CYSLTR2: variants seen among roughly 807,000 people sequenced by gnomAD.
CYSLTR2 encodes G-protein coupled receptor GPCR21.
For missense variants in CYSLTR2, 398 were observed against 411.9 expected (o/e 0.97, Z 0.29); for synonymous variants, 179 against 160.8 (o/e 1.11, Z -0.86).
chr13:48,674,979 C>T (rs1221428596), intron 1 of CYSLTR2, among the ~76,000 whole-genome samples: 2 of 152,182 alleles, frequency 1.3e-5, no homozygotes, highest in Admixed American at 6.5e-5. Context: ...AGATTGCTGC[C>T]TGCTCCTTCC....
intron 1 of CYSLTR2, among the ~76,000 whole-genome samples, chr13:48,667,696 A>C (rs1002806851): frequency 6.6e-6 from 1 of 152,178 alleles, no homozygotes; most frequent in Non-Finnish European, 1.5e-5. Flanking sequence ...TTGGCCTGGG[A>C]GCATGTTTCC....
intron 1 of CYSLTR2, among the ~76,000 whole-genome samples, chr13:48,675,772 G>A (rs1380670380): frequency 6.6e-6 from 1 of 152,134 alleles, no homozygotes; most frequent in Non-Finnish European, 1.5e-5. Flanking sequence ...CAGGGCCCTG[G>A]TGGTATAGGC....
At position 48,707,384 on chromosome 13, in the gene CYSLTR2, G is replaced by A; in HGVS notation, c.567G>A (p.Glu189=). 1 of 1,614,100 alleles carries A rather than the reference G, an allele frequency of 6.2e-7. No homozygotes were observed. Among genetic ancestry groups the A allele is most frequent in the South Asian group, 1.1e-5 (1 of 91,080 alleles). The change falls in exon 5 of 5, where the codon GAG becomes GAA. Residue 189 remains glutamate (E), a synonymous_variant. Coordinates refer to ENST00000682523, the MANE Select transcript of CYSLTR2 (RefSeq NM_001308476.3). ...ACGGCAGTGTCACATCATGCTTAGA[G>A]CTGAATCTCTATAAAATTGCTAAGC... ...EQNGSVTSCL[E]LNLYKIAKLQ...
At chr13:48,670,987 C>A (rs1953413020) in intron 1 of CYSLTR2, among the ~76,000 whole-genome samples, 1 of 152,138 alleles carries the variant, frequency 6.6e-6, no homozygotes, top group South Asian at 2.1e-4. Flanking sequence ...TTGAGGAGGT[C>A]TTTCACATCT....
At position 48,691,283 on chromosome 13, in the gene CYSLTR2, G is replaced by A. The variant is rs1194812142; in HGVS notation, c.-194G>A. 1 of 151,988 alleles carries A rather than the reference G, an allele frequency of 6.6e-6. No individual in the cohort carries two copies. Among genetic ancestry groups the A allele is most frequent in the Non-Finnish European group, 1.5e-5 (1 of 67,924 alleles). 9.4% of individuals were successfully genotyped at this position (151,988 alleles called of 1,614,324 possible). A position where few individuals can be genotyped will look rare whatever the true frequency, so the allele number is the denominator to read the frequency against. On this transcript the variant is annotated 5_prime_UTR_variant, in exon 2 of 5. The change abolishes an upstream ATG in the 5' untranslated region. Coordinates refer to ENST00000682523, the MANE Select transcript of CYSLTR2 (RefSeq NM_001308476.3). ...TCTATAGAAGGTCCATGCAAGGTATGGAGAGTTCCTCAACAGAGGTAATCA... is the reference window on the plus strand; with the variant it reads ...TCTATAGAAGGTCCATGCAAGGTATAGAGAGTTCCTCAACAGAGGTAATCA...
intron 3 of CYSLTR2, among the ~76,000 whole-genome samples, chr13:48,696,299 C>A (rs2138962970): frequency 6.6e-6 from 1 of 152,200 alleles, no homozygotes; most frequent in Admixed American, 6.5e-5. Flanking sequence ...TTCTAAATAA[C>A]CCTGTTTTGA....
chr13:48,690,701 T>G (rs1011779800), intron 1 of CYSLTR2, among the ~76,000 whole-genome samples: 1 of 152,160 alleles, frequency 6.6e-6, no homozygotes, highest in African/African-American at 2.4e-5. Context: ...TCAGGGAAAT[T>G]GGCCTGAAAT....
chr13:48,672,701 T>C (rs1368646012), intron 1 of CYSLTR2, among the ~76,000 whole-genome samples: 1 of 145,826 alleles, frequency 6.9e-6, no homozygotes, highest in Non-Finnish European at 1.5e-5. Context: ...CACTGCAACC[T>C]CCGCCTCCTG....
intron 1 of CYSLTR2, among the ~76,000 whole-genome samples, chr13:48,667,011 G>T (rs1162193904): frequency 2.6e-5 from 4 of 152,134 alleles, no homozygotes; most frequent in Non-Finnish European, 5.9e-5. Flanking sequence ...TACACATCTG[G>T]TGGAAAAGTT....
chr13:48,684,668 T>A (rs1953850760), intron 1 of CYSLTR2, among the ~76,000 whole-genome samples: 1 of 152,116 alleles, frequency 6.6e-6, no homozygotes, highest in South Asian at 2.1e-4. Flanking sequence ...ATCCTTGTTG[T>A]GGTTGAGTTA....
chr13:48,680,629 T>A (rs1393893262), intron 1 of CYSLTR2, among the ~76,000 whole-genome samples: 1 of 152,146 alleles, frequency 6.6e-6, no homozygotes, highest in Non-Finnish European at 1.5e-5. Context: ...TGCTCACTCC[T>A]CTCCCATTAA....
intron 3 of CYSLTR2, among the ~76,000 whole-genome samples, chr13:48,693,942 A>G (rs984825989): frequency 2.0e-5 from 3 of 152,180 alleles, no homozygotes; most frequent in African/African-American, 7.2e-5. Flanking sequence ...GCAATTCCAG[A>G]TTGTCCTTGG....
chr13:48,666,229 C>A (rs1233806390), intron 1 of CYSLTR2, among the ~76,000 whole-genome samples: 2 of 152,116 alleles, frequency 1.3e-5, no homozygotes, highest in African/African-American at 4.8e-5. Flanking sequence ...CATCCCAATT[C>A]TCTCTTGACC....
intron 1 of CYSLTR2, among the ~76,000 whole-genome samples, chr13:48,674,242 G>A (rs575773896): frequency 8.5e-5 from 13 of 152,232 alleles, no homozygotes; most frequent in African/African-American, 1.7e-4. Flanking sequence ...CATTCTCCCC[G>A]TCACTTTCAG....
intron 1 of CYSLTR2, among the ~76,000 whole-genome samples, chr13:48,656,914 T>C (rs1465443656): frequency 6.6e-6 from 1 of 152,202 alleles, no homozygotes; most frequent in African/African-American, 2.4e-5. Context: ...GCTAGAGAGC[T>C]TTTTGAAATC....
intron 2 of CYSLTR2, 131 bp downstream of exon 2, chr13:48,691,432 G>A (rs1265843649): frequency 6.6e-6 from 1 of 152,064 alleles, no homozygotes; most frequent in Non-Finnish European, 1.5e-5. Context: ...GTGACTAGCT[G>A]AAAAATTTTG....
intron 1 of CYSLTR2, among the ~76,000 whole-genome samples, chr13:48,688,887 A>T (rs531550530): frequency 1.3e-5 from 2 of 152,270 alleles, no homozygotes; most frequent in South Asian, 4.1e-4. Context: ...GTGTAAAAGC[A>T]TTCCTATTTC....
chr13:48,675,597 C>A (rs1421039979), intron 1 of CYSLTR2, among the ~76,000 whole-genome samples: 1 of 152,076 alleles, frequency 6.6e-6, no homozygotes, highest in Non-Finnish European at 1.5e-5. Flanking sequence ...GGTGCATCTG[C>A]AAGTGACCTG....
At chr13:48,702,821 C>G (rs1954385432) in intron 4 of CYSLTR2, among the ~76,000 whole-genome samples, 1 of 152,104 alleles carries the variant, frequency 6.6e-6, no homozygotes, top group Non-Finnish European at 1.5e-5. Flanking sequence ...CTATCTATAT[C>G]TACAAAAAAA....
Sources: allele counts gnomAD v4.1 joint callset (sites outside exome capture counted in the v4.1 genomes callset), GRCh38; gene constraint gnomAD v4.1.1; transcripts MANE v1.5; gene names NCBI Gene and HGNC (gene_info 2026-07-23, HGNC 2026-07-21).